The following KIAA1549L variants were observed in gnomAD, a reference collection of about 807,000 sequenced individuals.
The protein encoded by KIAA1549L is KIAA1549 like, also known as UPF0606 protein KIAA1549L.
Under a neutral mutation model 160.7 loss-of-function variants are expected in KIAA1549L, and 88 were observed. That is an observed-to-expected ratio of 0.55 (90% CI 0.46 to 0.65). The LOEUF (loss-of-function observed/expected upper bound fraction) is 0.65. KIAA1549L is among the 30% of genes least tolerant of loss of function. KIAA1549L has a pLI of 0.00. For missense variants in KIAA1549L, 2,258 were observed against 2,437.5 expected (o/e 0.93, Z 1.55); for synonymous variants, 950 against 976.7 (o/e 0.97, Z 0.51).
At position 33,573,857 on chromosome 11, in the gene KIAA1549L, A is replaced by G. The variant is rs368980586; in HGVS notation, c.4231-845A>G. ...ATTATCAATTGTTAATTACAGTAGTAAAAAATTAGTAACAGTCTAAATGCT... is the reference window on the plus strand; with the variant it reads ...ATTATCAATTGTTAATTACAGTAGTGAAAAATTAGTAACAGTCTAAATGCT... On this transcript the variant is annotated intron_variant, in intron 9 of 20. Coordinates refer to ENST00000658780, the MANE Select transcript of KIAA1549L (RefSeq NM_012194.3). Among the ~76,000 whole-genome samples, 133 of 152,326 alleles carry G rather than the reference A, an allele frequency of 8.7e-4. 2 individuals carry two copies. The South Asian group carries it at 0.027, about 31-fold the overall frequency.
chr11:33,523,339 T>A (rs969308525), intron 1 of KIAA1549L, among the ~76,000 whole-genome samples: 3 of 152,232 alleles, frequency 2.0e-5, no homozygotes, highest in African/African-American at 4.8e-5. Flanking sequence ...AAGCCCTTAG[T>A]GTATGCGTAT....
chr11:33,403,818 A>C (rs1850590085), intron 1 of KIAA1549L, among the ~76,000 whole-genome samples: 1 of 152,184 alleles, frequency 6.6e-6, no homozygotes, highest in South Asian at 2.1e-4. Flanking sequence ...TCATACTTTG[A>C]AAAAACACTG....
At chr11:33,441,373 A>G (rs1314152076) in intron 1 of KIAA1549L, among the ~76,000 whole-genome samples, 7 of 151,886 alleles carry the variant, frequency 4.6e-5, no homozygotes, top group Non-Finnish European at 8.8e-5. Flanking sequence ...TAGTGCCGCA[A>G]TAAACATATG....
chr11:33,396,143 G>A (rs1850368887), intron 1 of KIAA1549L, among the ~76,000 whole-genome samples: 1 of 152,102 alleles, frequency 6.6e-6, no homozygotes. Flanking sequence ...AGCAACTTAA[G>A]GTGATAGCAC....
chr11:33,573,945 G>A (rs182195202), intron 9 of KIAA1549L, among the ~76,000 whole-genome samples: 22 of 152,070 alleles, frequency 1.4e-4, no homozygotes, highest in Middle Eastern at 6.8e-3. Context: ...AAAAATAAAC[G>A]TTTATGCTTT....
intron 14 of KIAA1549L, among the ~76,000 whole-genome samples, chr11:33,607,403 G>A (rs1850534843): frequency 6.6e-6 from 1 of 152,164 alleles, no homozygotes; most frequent in Non-Finnish European, 1.5e-5. Flanking sequence ...ACCATAGAGT[G>A]ATGATTTCAT....
intron 1 of KIAA1549L, among the ~76,000 whole-genome samples, chr11:33,520,684 AAC>A (rs60029190): frequency 0.038 from 3,179 of 84,674 alleles, 99 homozygotes; most frequent in East Asian, 0.12. Context: ...CCCCACCCCC[AAC>A]ACACACACAC....
intron 1 of KIAA1549L, among the ~76,000 whole-genome samples, chr11:33,439,791 C>G (rs1417370030): frequency 6.6e-6 from 1 of 152,032 alleles, no homozygotes; most frequent in East Asian, 1.9e-4. Flanking sequence ...CAAAACTTAT[C>G]TGATGTTAAA....
chr11:33,600,010 G>A (rs746113426), intron 13 of KIAA1549L, among the ~76,000 whole-genome samples: 6 of 150,442 alleles, frequency 4.0e-5, no homozygotes, highest in East Asian at 3.9e-4. Context: ...TTTTTTTTCC[G>A]ACTGAAAACG....
chr11:33,584,468 C>G (rs1269960507), intron 11 of KIAA1549L, among the ~76,000 whole-genome samples: 1 of 152,210 alleles, frequency 6.6e-6, no homozygotes, highest in African/African-American at 2.4e-5. Context: ...CCACTCACCT[C>G]CAGTGACTGG....
intron 1 of KIAA1549L, among the ~76,000 whole-genome samples, chr11:33,421,739 A>G (rs1464419805): frequency 2.0e-5 from 3 of 152,114 alleles, no homozygotes; most frequent in Non-Finnish European, 4.4e-5. Context: ...TTTCCTGGGG[A>G]TGGAGTTGGT....
chr11:33,598,340 C>G (rs187102617), intron 12 of KIAA1549L, among the ~76,000 whole-genome samples: 1 of 151,764 alleles, frequency 6.6e-6, no homozygotes, highest in East Asian at 1.9e-4. Flanking sequence ...AAGAGCAGCC[C>G]GAAAACTGAA....
chr11:33,378,022 G>T (rs1849992053), intron 1 of KIAA1549L, among the ~76,000 whole-genome samples: 2 of 152,220 alleles, frequency 1.3e-5, no homozygotes, highest in Non-Finnish European at 1.5e-5. Flanking sequence ...ATCTTTGGAT[G>T]TGTGCCTCAG....
At chr11:33,636,622 C>T (rs896273695) in intron 16 of KIAA1549L, among the ~76,000 whole-genome samples, 22 of 152,160 alleles carry the variant, frequency 1.4e-4, no homozygotes, top group African/African-American at 1.7e-4. Flanking sequence ...TGAACCACCA[C>T]GCCCAGCCAA....
intron 1 of KIAA1549L, among the ~76,000 whole-genome samples, chr11:33,497,690 TA>T (rs1440103163): frequency 6.6e-6 from 1 of 152,080 alleles, no homozygotes; most frequent in South Asian, 2.1e-4. Flanking sequence ...AATCAAAATA[TA>T]AAAAAGAACA....
At chr11:33,610,092 T>C (rs1435321927) in intron 15 of KIAA1549L, 126 bp downstream of exon 15, 17 of 694,516 alleles carry the variant, frequency 2.4e-5, no homozygotes, top group Admixed American at 6.7e-5. Context: ...TCCACTGATT[T>C]GTACCACGCT....
chr11:33,450,582 C>CAA (rs201656420), intron 1 of KIAA1549L: 3 of 120,236 alleles, frequency 2.5e-5, no homozygotes, highest in African/African-American at 5.6e-5. Flanking sequence ...ACAACAACAA[C>CAA]AACAACAAAA....
intron 15 of KIAA1549L, among the ~76,000 whole-genome samples, chr11:33,614,552 A>C (rs1252062340): frequency 0.083 from 827 of 10,006 alleles, 158 homozygotes; most frequent in African/African-American, 0.28. Context: ...ATATATATAT[A>C]TATATATATA....
chr11:33,414,960 T>C (rs917958274), intron 1 of KIAA1549L, among the ~76,000 whole-genome samples: 4 of 152,144 alleles, frequency 2.6e-5, no homozygotes, highest in Admixed American at 6.5e-5. Context: ...GTTGCAGATA[T>C]TTTTTCCCTG....
Sources: gnomAD v4.1 joint callset for allele counts (sites outside exome capture counted in the v4.1 genomes callset) on GRCh38, gnomAD v4.1.1 for gene constraint, MANE v1.5 for transcripts, NCBI Gene and HGNC (gene_info 2026-07-23, HGNC 2026-07-21) for gene names.